Variants in RPS6KC1 observed in about 807,000 individuals in gnomAD.
RPS6KC1 encodes ribosomal protein S6 kinase C1.
Under a neutral mutation model 103.8 loss-of-function variants are expected in RPS6KC1, and 54 were observed. That is an observed-to-expected ratio of 0.52 (90% CI 0.42 to 0.65). The LOEUF (loss-of-function observed/expected upper bound fraction) is 0.65, where lower values mean the gene tolerates loss of function less well. RPS6KC1 is among the 30% of genes least tolerant of loss of function. The probability of loss-of-function intolerance (pLI) is 0.00; values close to 1 mark genes in which losing one functional copy is unlikely to be tolerated. For synonymous variants in RPS6KC1, 439 were observed against 438.7 expected, an observed-to-expected ratio of 1.00 and a Z score of -0.01; for missense variants, 1,151 against 1,253.8, an observed-to-expected ratio of 0.92 and a Z score of 1.24.
At chr1:213,534,626 C>A in the RPS6KC1 span, among the ~76,000 whole-genome samples, 2 of 152,186 alleles carry the variant, frequency 1.3e-5, no homozygotes, top group African/African-American at 4.8e-5. Context: ...AGAGTTCCTT[C>A]CTCCCATGGA....
At chr1:213,154,698 CA>C (rs2089671292) in intron 6 of RPS6KC1, among the ~76,000 whole-genome samples, 1 of 152,222 alleles carries the variant, frequency 6.6e-6, no homozygotes, top group African/African-American at 2.4e-5. Context: ...GTTCAATAGT[CA>C]AGGCCTGAAA....
At chr1:213,478,140 C>T in the RPS6KC1 span, among the ~76,000 whole-genome samples, 4 of 152,104 alleles carry the variant, frequency 2.6e-5, no homozygotes, top group Non-Finnish European at 5.9e-5. Context: ...AGATTAGCTT[C>T]TTTTACTTAG....
chr1:213,266,547 A>C (rs1266226837), intron 14 of RPS6KC1, among the ~76,000 whole-genome samples: 4 of 152,180 alleles, frequency 2.6e-5, no homozygotes, highest in African/African-American at 4.8e-5. Context: ...GTAAAAAACC[A>C]GTCATTTCAG....
chr1:213,241,205 G>C lies in RPS6KC1; in HGVS notation c.1729G>C (p.Asp577His). ...AHELKFFPNDDPEAVSSPRTS... is the reference protein window; with the variant it reads ...AHELKFFPNDHPEAVSSPRTS... The stretch of plus-strand genomic sequence containing the variant: ...CGAGCTGAAGTTCTTCCCCAACGAT[G>C]ACCCAGAAGCAGTTAGTTCTCCAAG... Residue 577 changes from aspartate (D) to histidine (H), a missense_variant, in exon 11 of 15, where the codon GAC becomes CAC. This residue lies in a region of RPS6KC1 where 959 missense variants were observed against 1,006.3 expected (regional missense o/e 0.95). Transcript: ENST00000366960. 6.2e-7 allele frequency: 1 copy of C among 1,613,708 alleles called. No individual in the cohort carries two copies. The highest frequency in any genetic ancestry group is 8.5e-7 in the Non-Finnish European group (1 of 1,179,800).
At chr1:213,094,047 C>T (rs4951478) in intron 3 of RPS6KC1, among the ~76,000 whole-genome samples, 94,706 of 151,426 alleles carry the variant, frequency 0.63, 30,072 homozygotes, top group African/African-American at 0.66. Context: ...TGTATTTTTC[C>T]CCATTTTTTT....
At chr1:213,523,478 C>A in the RPS6KC1 span, among the ~76,000 whole-genome samples, 1,663 of 152,126 alleles carry the variant, frequency 0.011, 34 homozygotes, top group African/African-American at 0.038. Flanking sequence ...ACAATGTCTG[C>A]AAAGTACAGT....
chr1:213,707,758 A>C, the RPS6KC1 span, among the ~76,000 whole-genome samples: 1 of 152,190 alleles, frequency 6.6e-6, no homozygotes, highest in Non-Finnish European at 1.5e-5. Flanking sequence ...TTTTCTGCAT[A>C]TGGCTAGCCA....
chr1:213,721,869 GC>G, the RPS6KC1 span, among the ~76,000 whole-genome samples: 5 of 151,982 alleles, frequency 3.3e-5, no homozygotes, highest in African/African-American at 1.2e-4. Flanking sequence ...CCCTGCCCCT[GC>G]CCCCTTCATA....
chr1:213,394,562 G>A, the RPS6KC1 span, among the ~76,000 whole-genome samples: 1 of 152,118 alleles, frequency 6.6e-6, no homozygotes, highest in East Asian at 1.9e-4. Context: ...CTTATAGAGT[G>A]CATGTGATGG....
the RPS6KC1 span, among the ~76,000 whole-genome samples, chr1:213,646,212 A>G: frequency 2.0e-5 from 3 of 152,234 alleles, no homozygotes; most frequent in Non-Finnish European, 2.9e-5. Flanking sequence ...TTTGGTTTTG[A>G]TAAGCCAGGC....
the RPS6KC1 span, among the ~76,000 whole-genome samples, chr1:213,581,290 C>T: frequency 1.3e-5 from 2 of 152,074 alleles, no homozygotes; most frequent in Non-Finnish European, 2.9e-5. Context: ...CCCCTTTTTA[C>T]TCCCCATTTG....
intron 1 of RPS6KC1, among the ~76,000 whole-genome samples, chr1:213,062,723 A>C (rs2077957959): frequency 6.6e-6 from 1 of 151,846 alleles, no homozygotes; most frequent in Admixed American, 6.6e-5. Flanking sequence ...CACCCAGCTA[A>C]TTTTTGTATT....
chr1:213,521,138 T>G, the RPS6KC1 span, among the ~76,000 whole-genome samples: 7 of 152,216 alleles, frequency 4.6e-5, no homozygotes, highest in Admixed American at 6.5e-5. Flanking sequence ...TCTACCTTAT[T>G]ATCCTTTAAC....
intron 4 of RPS6KC1, among the ~76,000 whole-genome samples, chr1:213,110,444 C>T (rs1283392516): frequency 3.3e-5 from 5 of 152,038 alleles, no homozygotes; most frequent in Non-Finnish European, 7.4e-5. Context: ...CTGTGGAGTC[C>T]ATTTCCTGTG....
At chr1:213,622,726 G>T in the RPS6KC1 span, among the ~76,000 whole-genome samples, 1 of 152,076 alleles carries the variant, frequency 6.6e-6, no homozygotes. Context: ...GGACGGGGCT[G>T]GGAAATCACC....
the RPS6KC1 span, among the ~76,000 whole-genome samples, chr1:213,556,403 A>T: frequency 5.9e-5 from 9 of 152,242 alleles, no homozygotes; most frequent in Non-Finnish European, 1.2e-4. Flanking sequence ...CTAGTACGTA[A>T]CAAGTACAGC....
At chr1:213,115,131 C>G (rs2083446400) in intron 4 of RPS6KC1, among the ~76,000 whole-genome samples, 2 of 152,170 alleles carry the variant, frequency 1.3e-5, no homozygotes, top group African/African-American at 2.4e-5. Context: ...AGGAATAGTA[C>G]CAGCTCATCT....
At chr1:213,307,060 GTT>G in the RPS6KC1 span, among the ~76,000 whole-genome samples, 490 of 130,434 alleles carry the variant, frequency 3.8e-3, 1 homozygote, top group African/African-American at 0.014. Context: ...AAGGATGCAG[GTT>G]TTTTTTTTTT....
chr1:213,758,966 AT>A, the RPS6KC1 span, among the ~76,000 whole-genome samples: 1 of 152,194 alleles, frequency 6.6e-6, no homozygotes, highest in Non-Finnish European at 1.5e-5. Context: ...GCTTGAGAGG[AT>A]TGACTCCAAT....
Sources: gnomAD v4.1 joint callset for allele counts (sites outside exome capture counted in the v4.1 genomes callset) on GRCh38, gnomAD v4.1.1 for gene constraint, gnomAD v4.1.1 regional missense constraint, MANE v1.5 for transcripts, NCBI Gene and HGNC (gene_info 2026-07-23, HGNC 2026-07-21) for gene names.